Variants in LTN1 observed in about 807,000 individuals in gnomAD.
The protein encoded by LTN1 is E3 ubiquitin-protein ligase listerin.
A neutral mutation model predicts 201.2 loss-of-function variants in LTN1; 88 were observed. That is an observed-to-expected ratio of 0.44 (90% CI 0.37 to 0.52). The LOEUF is 0.52. LTN1 is among the 20% of genes least tolerant of loss of function. LTN1 has a pLI of 0.00. For missense variants in LTN1, 1,752 were observed against 2,038.7 expected (o/e 0.86, Z 2.71); for synonymous variants, 645 against 713.5 (o/e 0.90, Z 1.53).
intron 13 of LTN1, 107 bp downstream of exon 13, chr21:28,959,351 A>G (rs1391789432): frequency 2.0e-5 from 28 of 1,367,622 alleles, no homozygotes; most frequent in Non-Finnish European, 2.4e-5. Context: ...AATGCTTTAA[A>G]CTTTCAAACA....
In LTN1 at chr21:28,986,277, T is replaced by A. The variant is rs1459028801; in HGVS notation, c.247-40A>T. 1 of 1,141,140 alleles carries A rather than the reference T, an allele frequency of 8.8e-7. No individual in the cohort carries two copies. The highest frequency in any genetic ancestry group is 2.4e-5 in the East Asian group (1 of 42,114). The allele number at this position is 1,141,140 out of a possible 1,614,324, so 70.7% of individuals were successfully genotyped here. A position where few individuals can be genotyped will look rare whatever the true frequency, so the allele number is the denominator to read the frequency against. On this transcript the variant is annotated intron_variant, in intron 2 of 29. Coordinates refer to ENST00000361371, the MANE Select transcript of LTN1 (RefSeq NM_015565.3). This position sits in a 1 kb window ranked among gnomAD's most constrained non-coding sequence, Gnocchi z 4.1. ...TTAACATCATTAGGATTAACAACCA[T>A]AATAACTGGCTATAGATTATTCTGT...
In LTN1 at chr21:28,933,522, C is replaced by T. The variant is rs868516862; in HGVS notation, c.4876-858G>A. The stretch of plus-strand genomic sequence containing the variant: ...GTTATTTGAGGCCCTTCCCAACATA[C>T]CTCTTATTCACCGTTGATTCTATTC... On this transcript the variant is annotated intron_variant, in intron 27 of 29. Transcript: ENST00000361371. Among the ~76,000 whole-genome samples, 5 of 152,286 alleles carry T rather than the reference C, an allele frequency of 3.3e-5. No homozygotes were observed. The South Asian group carries it at 1.0e-3, about 32-fold the overall frequency.
chr21:28,959,856 G>A, intron 12 of LTN1, 159 bp from the exon 13 acceptor site: 1 of 612,542 alleles, frequency 1.6e-6, no homozygotes, highest in Non-Finnish European at 2.7e-6. Context: ...CACACATAAA[G>A]GCCCTCAAGT....
chr21:28,949,048 T>C (rs1039056053), intron 18 of LTN1, among the ~76,000 whole-genome samples: 1 of 152,212 alleles, frequency 6.6e-6, no homozygotes, highest in African/African-American at 2.4e-5. Context: ...ATCTTTTTGA[T>C]TCTCGGCAAT....
At chr21:28,952,926 T>C (rs553682538) in intron 17 of LTN1, among the ~76,000 whole-genome samples, 1 of 152,322 alleles carries the variant, frequency 6.6e-6, no homozygotes, top group African/African-American at 2.4e-5. Context: ...ACTGGGAGGA[T>C]GAGTCACAGA....
Position 28,967,003 on chromosome 21 carries a change from C to A in LTN1, c.1488G>T (p.Glu496Asp). The A allele has an allele frequency of 6.2e-7, 1 of 1,614,064 alleles. No individual in the cohort carries two copies. Among genetic ancestry groups the A allele is most frequent in the Non-Finnish European group, 8.5e-7 (1 of 1,180,006 alleles). Residue 496 changes from glutamate (E) to aspartate (D), a missense_variant, in exon 10 of 30, where the codon GAG (glutamate) becomes GAT (aspartate). Glu to Asp is a conservative substitution (Grantham distance 45). Transcript: ENST00000361371. ...VLIHFWERLS[E>D]ICVAKISEPE... ...GCTCACTGATTTTCGCAACACAGAT[C>A]TCTGACAGTCTTTCCCAGAAATGTA...
At chr21:28,964,801 T>A in intron 11 of LTN1, 2 of 1,519,374 alleles carry the variant, frequency 1.3e-6, no homozygotes, top group South Asian at 1.2e-5. Flanking sequence ...TCTACTCTTA[T>A]CAAATTATTT....
intron 6 of LTN1, among the ~76,000 whole-genome samples, chr21:28,974,118 T>A (rs1465632571): frequency 6.6e-6 from 1 of 151,926 alleles, no homozygotes; most frequent in Admixed American, 6.6e-5. Context: ...AACTGGCCAT[T>A]CAAATAATAA....
rs1385483997 is a variant in LTN1, at chr21:28,928,169, T to C, written c.*2279A>G. Reference sequence around the variant, plus strand: ...AGAAGTACAAAAGAGTAACATTTTATTTATTTAAAAATCAGAAGCAAATAT... The same window carrying C: ...AGAAGTACAAAAGAGTAACATTTTACTTATTTAAAAATCAGAAGCAAATAT... On this transcript the variant is annotated 3_prime_UTR_variant, in exon 30 of 30. Transcript: ENST00000361371. 1 of 152,568 alleles carries C rather than the reference T, an allele frequency of 6.6e-6. No individual in the cohort carries two copies. Among genetic ancestry groups the C allele is most frequent in the Admixed American group, 6.6e-5 (1 of 15,266 alleles). 9.5% of individuals were successfully genotyped at this position (152,568 alleles called of 1,614,324 possible).
intron 18 of LTN1, among the ~76,000 whole-genome samples, chr21:28,948,579 T>C (rs1191418869): frequency 2.6e-5 from 4 of 152,104 alleles, no homozygotes; most frequent in Admixed American, 2.6e-4. Flanking sequence ...TGAACTGATA[T>C]TCGTATTTGT....
At chr21:28,977,110 A>G (rs1302068108) in intron 6 of LTN1, among the ~76,000 whole-genome samples, 1 of 152,176 alleles carries the variant, frequency 6.6e-6, no homozygotes, top group African/African-American at 2.4e-5. Flanking sequence ...GCAGTGGTTC[A>G]TGCATGTAAT....
chr21:28,989,615 G>A (rs1017999596), intron 1 of LTN1, among the ~76,000 whole-genome samples: 1 of 151,774 alleles, frequency 6.6e-6, no homozygotes, highest in Non-Finnish European at 1.5e-5. Context: ...ACTTTTCCCA[G>A]TCTTATCTCC....
chr21:28,943,563 CCTT>C (rs1415582968), intron 23 of LTN1, 101 bp downstream of exon 23: 14 of 897,490 alleles, frequency 1.6e-5, no homozygotes, highest in Non-Finnish European at 2.4e-5. Flanking sequence ...AGTCAGATCT[CCTT>C]CTTTTAAAAA....
At chr21:28,990,199 A>C (rs536636601) in intron 1 of LTN1, among the ~76,000 whole-genome samples, 1 of 152,270 alleles carries the variant, frequency 6.6e-6, no homozygotes, top group East Asian at 1.9e-4. Flanking sequence ...ATTTGCTTAC[A>C]TATGTGTCTG....
intron 7 of LTN1, 124 bp from the exon 8 acceptor site, chr21:28,970,866 C>A (rs988323308): frequency 9.9e-6 from 6 of 605,248 alleles, no homozygotes; most frequent in Non-Finnish European, 2.6e-6. Flanking sequence ...AAGCTAAAAT[C>A]TTTCACCACC....
chr21:28,977,633 G>A (rs1228031551), intron 6 of LTN1, among the ~76,000 whole-genome samples: 1 of 152,322 alleles, frequency 6.6e-6, no homozygotes, highest in East Asian at 1.9e-4. Context: ...TGAGGCAGGA[G>A]AACAGCTTGA....
chr21:28,955,013 A>T (rs1163396950), intron 16 of LTN1, among the ~76,000 whole-genome samples: 2 of 152,204 alleles, frequency 1.3e-5, no homozygotes, highest in Admixed American at 1.3e-4. Flanking sequence ...AATGGGAGAA[A>T]ATATTTGCAA....
At chr21:28,992,029 T>C (rs2084750299) in intron 1 of LTN1, among the ~76,000 whole-genome samples, 1 of 152,242 alleles carries the variant, frequency 6.6e-6, no homozygotes. Flanking sequence ...TTCAAAATAC[T>C]TACGTCCTAG....
chr21:28,969,404 A>T (rs752702387), intron 9 of LTN1, 62 bp downstream of exon 9: 279 of 1,404,574 alleles, frequency 2.0e-4, no homozygotes, highest in Non-Finnish European at 2.5e-4. Flanking sequence ...AACAAGACAC[A>T]ATGAGCTTGA....
Sources: gnomAD v4.1 joint callset for allele counts (sites outside exome capture counted in the v4.1 genomes callset) on GRCh38, gnomAD v4.1.1 for gene constraint, Gnocchi (gnomAD v3.1) non-coding constraint, MANE v1.5 for transcripts, NCBI Gene and HGNC (gene_info 2026-07-23, HGNC 2026-07-21) for gene names.